The following DSCAM variants were observed in gnomAD, a reference collection of about 807,000 sequenced individuals.
DSCAM encodes the protein DS cell adhesion molecule.
In DSCAM, 47 loss-of-function variants were observed where a neutral mutation model predicts 217.7. That is an observed-to-expected ratio of 0.22 (90% confidence interval 0.17 to 0.28). The LOEUF (loss-of-function observed/expected upper bound fraction) is 0.28. Ranked by LOEUF, DSCAM falls within the 10% of genes least tolerant of loss-of-function variation. The pLI is 1.00. For synonymous variants in DSCAM, 1,056 were observed against 1,015.3 expected (o/e 1.04, Z -0.76); for missense variants, 2,080 against 2,618.3 (o/e 0.79, Z 4.49).
intron 15 of DSCAM, 113 bp downstream of exon 15, chr21:40,178,814 C>A: frequency 7.4e-7 from 1 of 1,354,192 alleles, no homozygotes; most frequent in South Asian, 1.3e-5. Context: ...GAGCACGCAT[C>A]AAAGACCTCC....
chr21:40,525,603 T>C (rs2837673), intron 3 of DSCAM, among the ~76,000 whole-genome samples: 24,785 of 152,204 alleles, frequency 0.16, 2,247 homozygotes, highest in Middle Eastern at 0.23. Context: ...TTCAGAGTAA[T>C]TTGGTTTCCA....
intron 3 of DSCAM, among the ~76,000 whole-genome samples, chr21:40,442,412 T>C (rs950376235): frequency 2.6e-5 from 4 of 151,420 alleles, no homozygotes; most frequent in Non-Finnish European, 5.9e-5. Flanking sequence ...TTTTTTTATA[T>C]TTAAAAGGTA....
chr21:40,143,374 T>G (rs2090315350), intron 17 of DSCAM, among the ~76,000 whole-genome samples: 2 of 152,192 alleles, frequency 1.3e-5, no homozygotes. Context: ...CAAAGGCATA[T>G]TTAACGACTA....
chr21:40,097,940 C>CAAAAA (rs1311731207), intron 20 of DSCAM, among the ~76,000 whole-genome samples: 6 of 10,120 alleles, frequency 5.9e-4, no homozygotes, highest in African/African-American at 3.0e-3. Context: ...GACTCTGTCT[C>CAAAAA]AAAAAAAAAA....
chr21:40,403,812 T>C (rs2075259089), intron 3 of DSCAM, among the ~76,000 whole-genome samples: 3 of 152,172 alleles, frequency 2.0e-5, no homozygotes, highest in Non-Finnish European at 4.4e-5. Flanking sequence ...TTAATAAAGC[T>C]TGAGTATTGA....
intron 32 of DSCAM, among the ~76,000 whole-genome samples, chr21:40,029,242 A>G (rs1416468345): frequency 6.6e-6 from 1 of 152,142 alleles, no homozygotes; most frequent in Non-Finnish European, 1.5e-5. Context: ...TGTGCCGTCA[A>G]GAGAAGCCAT....
chr21:40,060,693 G>T (rs944580988), intron 28 of DSCAM, among the ~76,000 whole-genome samples: 2 of 152,168 alleles, frequency 1.3e-5, no homozygotes, highest in African/African-American at 2.4e-5. Context: ...ATTTTCAAGA[G>T]AAATCAGAAA....
At position 40,545,192 on chromosome 21, in the gene DSCAM, A is replaced by G. The variant is rs546135888; in HGVS notation, c.508+147618T>C. On this transcript the variant is annotated intron_variant, in intron 3 of 32. Transcript: ENST00000400454. ...AAGAAGGCCACCATCTGAAAGCCAC[A>G]TGGACATCAGCAGACACAGCATCTA... Among the ~76,000 whole-genome samples the G allele has an allele frequency of 1.1e-4, 16 of 152,312 alleles. 1 individual carries two copies. The South Asian group carries it at 3.1e-3, about 30-fold the overall frequency.
intron 32 of DSCAM, among the ~76,000 whole-genome samples, chr21:40,018,947 A>G (rs1438476099): frequency 1.3e-5 from 2 of 152,226 alleles, no homozygotes; most frequent in African/African-American, 4.8e-5. Context: ...GCTCCCTTCA[A>G]CAATGTGTAT....
intron 3 of DSCAM, among the ~76,000 whole-genome samples, chr21:40,526,923 G>A (rs2076405128): frequency 6.6e-6 from 1 of 152,110 alleles, no homozygotes; most frequent in Admixed American, 6.5e-5. Context: ...GAGCTTTGGA[G>A]CCAGGAGGTC....
chr21:40,653,484 C>A (rs562217588), intron 3 of DSCAM, among the ~76,000 whole-genome samples: 4 of 152,210 alleles, frequency 2.6e-5, no homozygotes, highest in Non-Finnish European at 5.9e-5. Context: ...GTTAAGGACA[C>A]AAGAGGCCAG....
chr21:40,784,953 C>T (rs1051957040), intron 1 of DSCAM, among the ~76,000 whole-genome samples: 1 of 152,160 alleles, frequency 6.6e-6, no homozygotes, highest in Non-Finnish European at 1.5e-5. Flanking sequence ...GAATTATGGC[C>T]TATTTTATTC....
At chr21:40,351,972 A>T (rs972236891) in intron 5 of DSCAM, among the ~76,000 whole-genome samples, 1 of 152,154 alleles carries the variant, frequency 6.6e-6, no homozygotes, top group African/African-American at 2.4e-5. Flanking sequence ...GGAAAGGAAT[A>T]GGTTTGTGCA....
At chr21:40,718,460 G>C (rs1033701445) in intron 1 of DSCAM, among the ~76,000 whole-genome samples, 7 of 152,222 alleles carry the variant, frequency 4.6e-5, no homozygotes, top group Non-Finnish European at 8.8e-5. Context: ...CTGGTGGAAG[G>C]CAAGGAGGAG....
At position 40,206,685 on chromosome 21, in the gene DSCAM, CCA is replaced by C. The variant is rs1491261413; in HGVS notation, c.2357-17449_2357-17448del. 8.4e-3 allele frequency among the ~76,000 whole-genome samples: 908 copies of C among 108,402 alleles called. 8 individuals carry two copies. Among genetic ancestry groups the C allele is most frequent in the African/African-American group, 0.045 (852 of 18,954 alleles). The allele number at this position is 108,402 out of a possible 152,430, so 71.1% of individuals were successfully genotyped here. On this transcript the variant is annotated intron_variant, in intron 11 of 32. Transcript: ENST00000400454. ...TAATCCTTGCTTTTCCTGGGATTTG[CCA>C]AAAAAAAAAAAAAATGTTCAAAAGA...
chr21:40,725,607 C>T (rs192966690), intron 1 of DSCAM, among the ~76,000 whole-genome samples: 1 of 152,340 alleles, frequency 6.6e-6, no homozygotes, highest in East Asian at 1.9e-4. Flanking sequence ...ACCGTGTGCT[C>T]ACACAGCACT....
intron 1 of DSCAM, among the ~76,000 whole-genome samples, chr21:40,723,406 G>A (rs142253548): frequency 1.1e-4 from 16 of 152,066 alleles, no homozygotes; most frequent in Non-Finnish European, 1.5e-4. Flanking sequence ...ATTTATTCCC[G>A]GTCTTCTACC....
chr21:40,175,394 G>A (rs1041608404), intron 15 of DSCAM, among the ~76,000 whole-genome samples: 3 of 152,138 alleles, frequency 2.0e-5, no homozygotes, highest in Non-Finnish European at 4.4e-5. Context: ...GATTATAGGC[G>A]TGAACTACCG....
chr21:40,539,017 T>C (rs16999959), intron 3 of DSCAM, among the ~76,000 whole-genome samples: 7,650 of 152,092 alleles, frequency 0.05, 275 homozygotes, highest in African/African-American at 0.1. Flanking sequence ...GAGACTTTCA[T>C]AGAACAAAAC....
Sources: allele counts gnomAD v4.1 joint callset (sites outside exome capture counted in the v4.1 genomes callset), GRCh38; gene constraint gnomAD v4.1.1; transcripts MANE v1.5; gene names NCBI Gene and HGNC (gene_info 2026-07-23, HGNC 2026-07-21).